Variants in ELMO1 observed in about 807,000 individuals in gnomAD.
The protein encoded by ELMO1 is engulfment and cell motility 1.
A neutral mutation model predicts 98.9 loss-of-function variants in ELMO1; 26 were observed. The observed-to-expected ratio is 0.26, with a 90% CI of 0.19 to 0.36. The LOEUF is 0.36. ELMO1 is among the 10% of genes least tolerant of loss of function. The probability of loss-of-function intolerance (pLI) is 1.00; values close to 1 mark genes in which losing one functional copy is unlikely to be tolerated. For missense variants in ELMO1, 627 were observed against 935.2 expected (o/e 0.67, Z 4.30); for synonymous variants, 346 against 346.0 (o/e 1.00, Z 0.00).
At chr7:37,365,328 G>T (rs767910351) in intron 1 of ELMO1, among the ~76,000 whole-genome samples, 7 of 152,164 alleles carry the variant, frequency 4.6e-5, no homozygotes, top group Admixed American at 2.0e-4. Flanking sequence ...TGAAGTATGG[G>T]CAAGATAAGA....
intron 20 of ELMO1, among the ~76,000 whole-genome samples, chr7:36,867,019 A>G (rs562115277): frequency 1.3e-5 from 2 of 152,286 alleles, no homozygotes; most frequent in African/African-American, 4.8e-5. Context: ...AATTCCATGT[A>G]TATGCTAATT....
At chr7:36,924,686 G>A (rs555691398) in intron 16 of ELMO1, among the ~76,000 whole-genome samples, 1 of 152,112 alleles carries the variant, frequency 6.6e-6, no homozygotes, top group African/African-American at 2.4e-5. Flanking sequence ...TACGTTATAG[G>A]GGGGAGGAAG....
At chr7:37,309,248 A>G (rs1044955845) in intron 4 of ELMO1, among the ~76,000 whole-genome samples, 1 of 152,204 alleles carries the variant, frequency 6.6e-6, no homozygotes, top group African/African-American at 2.4e-5. Context: ...ATCAAGAGAA[A>G]GGGGTTTCCC....
At chr7:37,179,934 C>T (rs1790739387) in intron 13 of ELMO1, among the ~76,000 whole-genome samples, 1 of 152,104 alleles carries the variant, frequency 6.6e-6, no homozygotes, top group African/African-American at 2.4e-5. Flanking sequence ...GAATTTTTCA[C>T]CATGCCATAG....
intron 13 of ELMO1, among the ~76,000 whole-genome samples, chr7:37,206,123 C>A (rs187473268): frequency 6.6e-6 from 1 of 152,116 alleles, no homozygotes; most frequent in African/African-American, 2.4e-5. Flanking sequence ...GAGCACTGGA[C>A]GCCATTCCAA....
intron 16 of ELMO1, among the ~76,000 whole-genome samples, chr7:36,948,869 T>C (rs997740052): frequency 4.6e-5 from 7 of 151,948 alleles, no homozygotes; most frequent in Admixed American, 4.6e-4. Flanking sequence ...TGTTTGTTTG[T>C]TTTTGAAATG....
intron 13 of ELMO1, among the ~76,000 whole-genome samples, chr7:37,161,710 C>T (rs1344253011): frequency 1.3e-5 from 2 of 150,972 alleles, no homozygotes; most frequent in African/African-American, 4.9e-5. Context: ...TCTGTCAATT[C>T]AAAACTCATG....
Position 36,972,779 on chromosome 7 carries a change from T to G in ELMO1, c.1437+40520A>C, listed in dbSNP as rs138768707. Among the ~76,000 whole-genome samples, 487 of 152,306 alleles carry G rather than the reference T, an allele frequency of 3.2e-3. 2 individuals carry two copies. The highest frequency in any genetic ancestry group is 0.011 in the African/African-American group (467 of 41,566). ...CTATATATCTATATAACTATATCTATATCTATAGTTTTTTGAAACAGAGTT... is the reference window on the plus strand; with the variant it reads ...CTATATATCTATATAACTATATCTAGATCTATAGTTTTTTGAAACAGAGTT... On this transcript the variant is annotated intron_variant, in intron 16 of 21. Transcript: ENST00000310758.
chr7:37,035,490 T>C (rs375179683), intron 15 of ELMO1, among the ~76,000 whole-genome samples: 1 of 152,246 alleles, frequency 6.6e-6, no homozygotes, highest in East Asian at 1.9e-4. Flanking sequence ...ACCTGCTGCA[T>C]AACTGCAGAA....
chr7:37,196,712 T>G (rs1791983912), intron 13 of ELMO1, among the ~76,000 whole-genome samples: 1 of 152,238 alleles, frequency 6.6e-6, no homozygotes, highest in Admixed American at 6.5e-5. Context: ...AAACAAAAAT[T>G]AAGTCTGCAT....
At chr7:37,265,882 C>T (rs931910994) in intron 5 of ELMO1, among the ~76,000 whole-genome samples, 3 of 152,102 alleles carry the variant, frequency 2.0e-5, no homozygotes, top group African/African-American at 4.8e-5. Context: ...GTTAACAGCA[C>T]GCAGTTAATT....
At chr7:36,952,771 G>T (rs995131781) in intron 16 of ELMO1, among the ~76,000 whole-genome samples, 1 of 152,036 alleles carries the variant, frequency 6.6e-6, no homozygotes, top group African/African-American at 2.4e-5. Flanking sequence ...AATTCTACTG[G>T]TGTGTGAATA....
intron 1 of ELMO1, among the ~76,000 whole-genome samples, chr7:37,432,783 T>C (rs1053858558): frequency 6.6e-6 from 1 of 152,254 alleles, no homozygotes; most frequent in Non-Finnish European, 1.5e-5. Context: ...AATTCAACAC[T>C]GGCTGAACCG....
At chr7:36,950,111 G>A (rs1787846091) in intron 16 of ELMO1, among the ~76,000 whole-genome samples, 1 of 148,556 alleles carries the variant, frequency 6.7e-6, no homozygotes, top group African/African-American at 2.5e-5. Context: ...ACAGCTCCCT[G>A]TATATCCTAA....
chr7:37,294,561 T>G (rs1562590465), intron 4 of ELMO1, among the ~76,000 whole-genome samples: 1 of 152,214 alleles, frequency 6.6e-6, no homozygotes. Flanking sequence ...TTCTACATTC[T>G]ATTCTAGAGA....
At chr7:36,949,493 C>T (rs4720231) in intron 16 of ELMO1, among the ~76,000 whole-genome samples, 1 of 150,416 alleles carries the variant, frequency 6.6e-6, no homozygotes, top group Non-Finnish European at 1.5e-5. Flanking sequence ...AGACATCAGA[C>T]CAGGTTCTCT....
At chr7:36,963,376 C>CAAAT (rs567787702) in intron 16 of ELMO1, among the ~76,000 whole-genome samples, 5 of 118,380 alleles carry the variant, frequency 4.2e-5, no homozygotes, top group Non-Finnish European at 9.0e-5. Flanking sequence ...GACTCCATCT[C>CAAAT]AAATAAATAA....
At chr7:37,235,417 T>A (rs1410592253) in intron 7 of ELMO1, among the ~76,000 whole-genome samples, 2 of 152,206 alleles carry the variant, frequency 1.3e-5, no homozygotes, top group South Asian at 2.1e-4. Flanking sequence ...TTATTTTATT[T>A]ACTTAAAAAG....
chr7:37,274,006 C>T, intron 4 of ELMO1, among the ~76,000 whole-genome samples: 1 of 152,150 alleles, frequency 6.6e-6, no homozygotes, highest in African/African-American at 2.4e-5. Context: ...CCCGAAAACC[C>T]AACACCACCA....
Sources: gnomAD v4.1 joint callset for allele counts (sites outside exome capture counted in the v4.1 genomes callset) on GRCh38, gnomAD v4.1.1 for gene constraint, MANE v1.5 for transcripts, NCBI Gene and HGNC (gene_info 2026-07-23, HGNC 2026-07-21) for gene names.